PYHIN1: variants seen among roughly 807,000 people sequenced by gnomAD.
PYHIN1 encodes the protein pyrin and HIN domain family member 1, also known as pyrin and HIN domain-containing protein 1.
In PYHIN1, 32 loss-of-function variants were observed where a neutral mutation model predicts 43.7. The ratio of observed to expected loss-of-function variants is 0.73; its 90% CI spans 0.55 to 0.98. PYHIN1 has a LOEUF of 0.98. Ranked by LOEUF, PYHIN1 falls within the 50% of genes least tolerant of loss-of-function variation. The pLI, the probability that PYHIN1 is intolerant of heterozygous loss-of-function variation, is 0.00. For missense variants in PYHIN1, 588 were observed against 589.5 expected (o/e 1.00, Z 0.03); for synonymous variants, 205 against 203.1 (o/e 1.01, Z -0.08).
At position 158,976,700 on chromosome 1, in the gene PYHIN1, G is replaced by A. The variant is rs1193821995; in HGVS notation, c.*6-1G>A. On this transcript the variant is annotated splice_acceptor_variant, in intron 8 of 8. Transcript: ENST00000368140. LOFTEE classifies it low-confidence loss of function (3UTR_SPLICE). ...TTATTTTTATCTCTTTATGCTTCAA[G>A]GTCACCAAGGACAAGGATATCAAAT... 3.2e-6 allele frequency: 5 copies of A among 1,587,090 alleles called. No individual in the cohort carries two copies. Among genetic ancestry groups the A allele is most frequent in the Non-Finnish European group, 4.3e-6 (5 of 1,165,826 alleles).
intron 7 of PYHIN1, among the ~76,000 whole-genome samples, chr1:158,956,363 T>C (rs1409752978): frequency 6.6e-6 from 1 of 152,202 alleles, no homozygotes; most frequent in African/African-American, 2.4e-5. Flanking sequence ...AATAAAATAC[T>C]GGCAAAACGA....
chr1:158,979,651 C>G (rs924592355), downstream of PYHIN1, among the ~76,000 whole-genome samples: 1 of 152,090 alleles, frequency 6.6e-6, no homozygotes. Context: ...CTAGTAATAT[C>G]TCTTCAACTC....
intron 7 of PYHIN1, among the ~76,000 whole-genome samples, chr1:158,945,781 T>G (rs1218874924): frequency 6.6e-6 from 1 of 152,222 alleles, no homozygotes; most frequent in Non-Finnish European, 1.5e-5. Context: ...GCATAGAACA[T>G]GTAACGACAA....
chr1:158,985,202 T>C, the PYHIN1 span, among the ~76,000 whole-genome samples: 1 of 152,178 alleles, frequency 6.6e-6, no homozygotes, highest in Non-Finnish European at 1.5e-5. Context: ...CATAGTGTTA[T>C]TAGCTGGTTG....
chr1:158,970,686 G>C (rs1329931724), intron 7 of PYHIN1, among the ~76,000 whole-genome samples: 1 of 148,978 alleles, frequency 6.7e-6, no homozygotes. Flanking sequence ...CTACAACTGG[G>C]TCAACATAAA....
At chr1:158,967,989 C>T (rs750072151) in intron 7 of PYHIN1, among the ~76,000 whole-genome samples, 15 of 151,914 alleles carry the variant, frequency 9.9e-5, no homozygotes, top group Admixed American at 9.2e-4. Flanking sequence ...ACTATAAAAA[C>T]CCTGGAAGAT....
chr1:158,964,673 A>G (rs1437984013), intron 7 of PYHIN1, among the ~76,000 whole-genome samples: 1 of 152,236 alleles, frequency 6.6e-6, no homozygotes, highest in East Asian at 1.9e-4. Context: ...GATCCTTTTC[A>G]GACAAGCAAA....
chr1:158,972,266 C>G (rs1353226273), intron 7 of PYHIN1, among the ~76,000 whole-genome samples: 1 of 152,032 alleles, frequency 6.6e-6, no homozygotes, highest in African/African-American at 2.4e-5. Flanking sequence ...GTTCTTTAAC[C>G]AAAGTACCAA....
At position 158,972,692 on chromosome 1, in the gene PYHIN1, T is replaced by A. The variant is rs139113896; in HGVS notation, c.1360-955T>A. 2.4e-4 allele frequency among the ~76,000 whole-genome samples: 36 copies of A among 152,182 alleles called. 1 individual carries two copies. Among genetic ancestry groups the A allele is most frequent in the African/African-American group, 8.4e-4 (35 of 41,556 alleles). On this transcript the variant is annotated intron_variant, in intron 7 of 8. Coordinates refer to ENST00000368140, the MANE Select transcript of PYHIN1 (RefSeq NM_152501.5). ...TTTTGTTTCATACATGGTACTCCCT[T>A]TGTCTGGAATCTTTTTCTCCTATTC... is the stretch of plus-strand genomic sequence containing the variant.
At chr1:158,956,417 G>T (rs1649935250) in intron 7 of PYHIN1, among the ~76,000 whole-genome samples, 1 of 152,050 alleles carries the variant, frequency 6.6e-6, no homozygotes, top group African/African-American at 2.4e-5. Flanking sequence ...GATCAAGTGG[G>T]TTTCATCCCT....
chr1:158,984,790 T>G, the PYHIN1 span, among the ~76,000 whole-genome samples: 1 of 152,222 alleles, frequency 6.6e-6, no homozygotes, highest in African/African-American at 2.4e-5. Flanking sequence ...GCTAGTTCTC[T>G]TCATAGGTCT....
chr1:158,967,983 T>C (rs75354119), intron 7 of PYHIN1, among the ~76,000 whole-genome samples: 4,411 of 151,968 alleles, frequency 0.029, 105 homozygotes, highest in Non-Finnish European at 0.046. Flanking sequence ...TCTAAAACTA[T>C]AAAAACCCTG....
At chr1:158,977,872 C>T (rs1410804272), downstream of PYHIN1, among the ~76,000 whole-genome samples, 1 of 152,050 alleles carries the variant, frequency 6.6e-6, no homozygotes, top group Non-Finnish European at 1.5e-5. Flanking sequence ...GTTAGGAGAA[C>T]AGGGATAAGA....
chr1:158,942,673 G>A (rs965350582), intron 5 of PYHIN1, among the ~76,000 whole-genome samples: 1 of 152,110 alleles, frequency 6.6e-6, no homozygotes, highest in Non-Finnish European at 1.5e-5. Flanking sequence ...TATCTATTAT[G>A]AGTCATAACG....
At position 158,974,114 on chromosome 1, in the gene PYHIN1, G is replaced by A. The variant is rs116189149; in HGVS notation, c.*5+343G>A. Reference sequence around the variant, plus strand: ...GTTTCCTTTCACAATTTTCCACTACGACTAATGACCATAACTTAGGATTGA... The same window carrying A: ...GTTTCCTTTCACAATTTTCCACTACAACTAATGACCATAACTTAGGATTGA... On this transcript the variant is annotated intron_variant, in intron 8 of 8. Coordinates refer to ENST00000368140, the MANE Select transcript of PYHIN1 (RefSeq NM_152501.5). 3.6e-3 allele frequency among the ~76,000 whole-genome samples: 552 copies of A among 152,036 alleles called. 3 individuals are homozygous for A. Among genetic ancestry groups the A allele is most frequent in the Non-Finnish European group, 6.2e-3 (418 of 67,946 alleles).
intron 7 of PYHIN1, among the ~76,000 whole-genome samples, chr1:158,959,682 G>T (rs1469265983): frequency 6.6e-6 from 1 of 152,142 alleles, no homozygotes; most frequent in East Asian, 1.9e-4. Context: ...TCCTCCCATT[G>T]TTGGTTCTCT....
intron 7 of PYHIN1, among the ~76,000 whole-genome samples, chr1:158,952,994 A>G (rs1404006063): frequency 1.3e-5 from 2 of 152,140 alleles, no homozygotes; most frequent in Non-Finnish European, 2.9e-5. Flanking sequence ...GGGGTGATCG[A>G]CGCACCTGGA....
chr1:158,959,748 A>C (rs1033679213), intron 7 of PYHIN1, among the ~76,000 whole-genome samples: 1 of 152,194 alleles, frequency 6.6e-6, no homozygotes, highest in Non-Finnish European at 1.5e-5. Context: ...ATAGCGTTTG[A>C]ACAACTGGAG....
At chr1:158,963,783 C>T (rs1385269286) in intron 7 of PYHIN1, among the ~76,000 whole-genome samples, 1 of 152,198 alleles carries the variant, frequency 6.6e-6, no homozygotes, top group Admixed American at 6.5e-5. Flanking sequence ...TCTAACTACT[C>T]AAAAGAAACA....
Sources: allele counts gnomAD v4.1 joint callset (sites outside exome capture counted in the v4.1 genomes callset), GRCh38; gene constraint gnomAD v4.1.1; transcripts MANE v1.5; gene names NCBI Gene and HGNC (gene_info 2026-07-23, HGNC 2026-07-21).